SUSD6: variants seen among roughly 807,000 people sequenced by gnomAD.
The protein encoded by SUSD6 is sushi domain containing 6, also known as sushi domain-containing protein 6.
In SUSD6, 16 loss-of-function variants were observed where a neutral mutation model predicts 28.4. The observed-to-expected ratio is 0.56, with a 90% CI of 0.38 to 0.86. The LOEUF (loss-of-function observed/expected upper bound fraction) is 0.86. Among genes scored for constraint, SUSD6 ranks in the 40% least tolerant of loss-of-function variants. The pLI is 0.00. For synonymous variants in SUSD6, 147 were observed against 159.6 expected (o/e 0.92, Z 0.59); for missense variants, 341 against 384.2 (o/e 0.89, Z 0.94).
intron 2 of SUSD6, among the ~76,000 whole-genome samples, chr14:69,700,164 C>A (rs1886293733): frequency 6.6e-6 from 1 of 152,062 alleles, no homozygotes; most frequent in Non-Finnish European, 1.5e-5. Flanking sequence ...GCTTGCTTAT[C>A]TATGCAGCTC....
intron 2 of SUSD6, among the ~76,000 whole-genome samples, chr14:69,678,398 G>A (rs1885946641): frequency 6.6e-6 from 1 of 150,874 alleles, no homozygotes; most frequent in African/African-American, 2.4e-5. Flanking sequence ...ATTATATGTT[G>A]CAATTATTTG....
At chr14:69,648,878 GT>G (rs970278958) in intron 1 of SUSD6, among the ~76,000 whole-genome samples, 1 of 152,012 alleles carries the variant, frequency 6.6e-6, no homozygotes. Flanking sequence ...ACAAAATTAA[GT>G]TTTTTTTCCC....
chr14:69,645,842 C>T (rs1417140247), intron 1 of SUSD6, among the ~76,000 whole-genome samples: 6 of 152,018 alleles, frequency 3.9e-5, no homozygotes, highest in Non-Finnish European at 7.4e-5. Flanking sequence ...CTCCGCCTCC[C>T]TGCTTCAAGC....
chr14:69,658,393 C>T (rs938007829), intron 1 of SUSD6, 120 bp from the exon 2 acceptor site: 3 of 588,930 alleles, frequency 5.1e-6, no homozygotes, highest in South Asian at 2.1e-5. Flanking sequence ...AGCAGGGATT[C>T]GAATAGTTGC....
At chr14:69,651,721 A>G (rs1186209749) in intron 1 of SUSD6, among the ~76,000 whole-genome samples, 6 of 152,218 alleles carry the variant, frequency 3.9e-5, no homozygotes, top group Admixed American at 3.9e-4. Flanking sequence ...AGGAGGCATT[A>G]AGGTCCAATA....
chr14:69,623,291 A>G (rs1885068265), intron 1 of SUSD6, among the ~76,000 whole-genome samples: 1 of 152,202 alleles, frequency 6.6e-6, no homozygotes, highest in Non-Finnish European at 1.5e-5. Context: ...TGCATATATG[A>G]TGGTGGTTCC....
At chr14:69,639,969 T>TG (rs1555343355) in intron 1 of SUSD6, among the ~76,000 whole-genome samples, 2 of 148,316 alleles carry the variant, frequency 1.3e-5, no homozygotes, top group Non-Finnish European at 3.0e-5. Flanking sequence ...TTTTTTTTTT[T>TG]TTTTTTTTTT....
chr14:69,680,907 G>A (rs1356863499), intron 2 of SUSD6, among the ~76,000 whole-genome samples: 3 of 152,114 alleles, frequency 2.0e-5, no homozygotes, highest in African/African-American at 7.2e-5. Flanking sequence ...AGTTATCTTG[G>A]TCTTTGTTGC....
At chr14:69,680,445 T>C (rs909883014) in intron 2 of SUSD6, among the ~76,000 whole-genome samples, 1 of 152,176 alleles carries the variant, frequency 6.6e-6, no homozygotes, top group South Asian at 2.1e-4. Context: ...CTCCAGTGTC[T>C]TTCTCACCCT....
At chr14:69,619,789 A>C (rs1885010658) in intron 1 of SUSD6, among the ~76,000 whole-genome samples, 1 of 151,958 alleles carries the variant, frequency 6.6e-6, no homozygotes, top group South Asian at 2.1e-4. Context: ...ACAAACAAAA[A>C]AAAACCACCT....
intron 1 of SUSD6, among the ~76,000 whole-genome samples, chr14:69,612,950 G>A (rs961976133): frequency 2.0e-5 from 3 of 152,046 alleles, no homozygotes; most frequent in Admixed American, 6.6e-5. Flanking sequence ...TTTCTGTTTT[G>A]GGAATTCCAC....
At chr14:69,704,492 G>A in intron 3 of SUSD6, 112 bp from the exon 4 acceptor site, 1 of 1,022,910 alleles carries the variant, frequency 9.8e-7, no homozygotes, top group Non-Finnish European at 1.4e-6. Context: ...CTGACCGTAG[G>A]ATGTCTGTAT....
intron 4 of SUSD6, among the ~76,000 whole-genome samples, chr14:69,705,651 G>C (rs1431701725): frequency 6.6e-6 from 1 of 152,216 alleles, no homozygotes; most frequent in East Asian, 1.9e-4. Context: ...GGTTTGGAAT[G>C]GAACCCTGGC....
intron 2 of SUSD6, among the ~76,000 whole-genome samples, chr14:69,673,366 G>A (rs1885861841): frequency 1.3e-5 from 2 of 152,170 alleles, no homozygotes; most frequent in Admixed American, 1.3e-4. Flanking sequence ...TAGACATGAA[G>A]CAGCAGCTGC....
At chr14:69,656,822 T>C (rs747184330) in intron 1 of SUSD6, among the ~76,000 whole-genome samples, 15 of 152,278 alleles carry the variant, frequency 9.9e-5, no homozygotes, top group Admixed American at 2.0e-4. Flanking sequence ...CTGACTTTAC[T>C]GTTCTTAGCC....
chr14:69,707,352 A>C (rs974022410), intron 4 of SUSD6, among the ~76,000 whole-genome samples: 1 of 152,232 alleles, frequency 6.6e-6, no homozygotes, highest in African/African-American at 2.4e-5. Context: ...AGTGATCCCC[A>C]AAAAAGATAT....
intron 2 of SUSD6, among the ~76,000 whole-genome samples, chr14:69,664,987 A>C (rs1234802230): frequency 6.6e-6 from 1 of 152,166 alleles, no homozygotes; most frequent in Admixed American, 6.5e-5. Context: ...AGAGGGTGTG[A>C]GGAGCCCTTC....
chr14:69,622,344 T>C (rs1419539123), intron 1 of SUSD6, among the ~76,000 whole-genome samples: 1 of 152,116 alleles, frequency 6.6e-6, no homozygotes, highest in Non-Finnish European at 1.5e-5. Flanking sequence ...TTTTTGGATT[T>C]TTTTGCAGAG....
At chr14:69,640,427 T>C (rs1447350567) in intron 1 of SUSD6, among the ~76,000 whole-genome samples, 1 of 152,072 alleles carries the variant, frequency 6.6e-6, no homozygotes, top group African/African-American at 2.4e-5. Flanking sequence ...TCGAACTCCT[T>C]GGCTCAAGTG....
Sources: allele counts gnomAD v4.1 joint callset (sites outside exome capture counted in the v4.1 genomes callset), GRCh38; gene constraint gnomAD v4.1.1; transcripts MANE v1.5; gene names NCBI Gene and HGNC (gene_info 2026-07-23, HGNC 2026-07-21).